Variants in CCDC148 observed in about 807,000 individuals in gnomAD.
CCDC148 encodes the protein coiled-coil domain containing 148, also known as coiled-coil domain-containing protein 148.
A neutral mutation model predicts 85.7 loss-of-function variants in CCDC148; 89 were observed. That is an observed-to-expected ratio of 1.04 (90% CI 0.87 to 1.24). The LOEUF (loss-of-function observed/expected upper bound fraction) is 1.24, where lower values mean the gene tolerates loss of function less well. Ranked by LOEUF, CCDC148 falls within the 50% of genes most tolerant of loss-of-function variation. The pLI, the probability that CCDC148 is intolerant of heterozygous loss-of-function variation, is 0.00. For synonymous variants in CCDC148, 230 were observed against 213.9 expected (o/e 1.08, Z -0.66); for missense variants, 692 against 671.7 (o/e 1.03, Z -0.33).
At position 158,417,321 on chromosome 2, in the gene CCDC148, T is replaced by C. The variant is rs542099818; in HGVS notation, c.25+39094A>G. Among the ~76,000 whole-genome samples, 7 of 152,306 alleles carry C rather than the reference T, an allele frequency of 4.6e-5. No individual in the cohort carries two copies. In the South Asian group the frequency reaches 1.2e-3, roughly 27 times the overall value. The stretch of plus-strand genomic sequence containing the variant: ...GCAAATAAGCATACTGTGGTGGCCC[T>C]GGAAGTGTACCACCCAGATCTCCTT... On this transcript the variant is annotated intron_variant, in intron 1 of 13. Transcript: ENST00000283233.
intron 1 of CCDC148, among the ~76,000 whole-genome samples, chr2:158,455,640 C>G (rs1172775325): frequency 1.3e-5 from 2 of 152,236 alleles, no homozygotes; most frequent in Non-Finnish European, 1.5e-5. Context: ...GTAACATAGT[C>G]TCCTTACTAA....
intron 1 of CCDC148, among the ~76,000 whole-genome samples, chr2:158,432,099 C>A (rs6437179): frequency 0.87 from 131,737 of 152,052 alleles, 58,418 homozygotes; most frequent in Non-Finnish European, 0.96. Context: ...ATATACTGTA[C>A]TGAGCTAACC....
chr2:158,204,713 T>C (rs1318838196), intron 11 of CCDC148, among the ~76,000 whole-genome samples: 1 of 145,512 alleles, frequency 6.9e-6, no homozygotes, highest in Non-Finnish European at 1.5e-5. Flanking sequence ...CCACGCCCTG[T>C]CAAAATACTT....
At chr2:158,254,314 T>C (rs1417718980) in intron 9 of CCDC148, among the ~76,000 whole-genome samples, 1 of 151,698 alleles carries the variant, frequency 6.6e-6, no homozygotes, top group Non-Finnish European at 1.5e-5. Context: ...AGTATGGTTA[T>C]GTTCTATAAC....
intron 1 of CCDC148, among the ~76,000 whole-genome samples, chr2:158,381,408 C>G (rs1248554562): frequency 6.6e-6 from 1 of 152,116 alleles, no homozygotes; most frequent in African/African-American, 2.4e-5. Flanking sequence ...TTTAAAACCA[C>G]AGTGCAATAC....
intron 7 of CCDC148, among the ~76,000 whole-genome samples, chr2:158,316,600 G>T (rs1165209310): frequency 3.9e-5 from 6 of 152,086 alleles, no homozygotes; most frequent in Non-Finnish European, 7.3e-5. Flanking sequence ...TAAAGGAAAT[G>T]ATATATAAAT....
intron 7 of CCDC148, among the ~76,000 whole-genome samples, chr2:158,333,360 G>T (rs550016397): frequency 6.6e-6 from 1 of 152,168 alleles, no homozygotes; most frequent in Non-Finnish European, 1.5e-5. Flanking sequence ...GTTCTAATTT[G>T]ATTGCACTGT....
At chr2:158,337,367 C>T (rs1288531897) in intron 7 of CCDC148, among the ~76,000 whole-genome samples, 1 of 152,088 alleles carries the variant, frequency 6.6e-6, no homozygotes, top group Non-Finnish European at 1.5e-5. Context: ...TGCCCTCTCC[C>T]CTACCAAACA....
rs375365637 is a variant in CCDC148, at chr2:158,176,514, T to C, written c.1629+7A>G. 3.7e-5 allele frequency: 60 copies of C among 1,609,272 alleles called. No homozygotes were observed. The African/African-American group carries it at 7.2e-4, about 19-fold the overall frequency. On this transcript the variant is annotated splice_region_variant and intron_variant, in intron 13 of 13. Coordinates refer to ENST00000283233, the MANE Select transcript of CCDC148 (RefSeq NM_138803.4). ...TTTTCATCAGTCATGCTAATTTCCA[T>C]AATTACCTGCTGTTCATTGTATGTA...
At chr2:158,299,602 C>T (rs1691352303) in intron 9 of CCDC148, among the ~76,000 whole-genome samples, 1 of 152,216 alleles carries the variant, frequency 6.6e-6, no homozygotes. Flanking sequence ...CACTGGTTAT[C>T]CAATGCCTGC....
chr2:158,264,439 C>T (rs1215169262), intron 9 of CCDC148, among the ~76,000 whole-genome samples: 2 of 152,052 alleles, frequency 1.3e-5, no homozygotes, highest in Non-Finnish European at 2.9e-5. Flanking sequence ...TTATCATCAG[C>T]AGAACCCCCT....
intron 1 of CCDC148, among the ~76,000 whole-genome samples, chr2:158,419,470 G>T (rs1284808728): frequency 2.6e-5 from 4 of 152,130 alleles, no homozygotes; most frequent in African/African-American, 7.2e-5. Context: ...GGTATATATT[G>T]GTTTTGGTAC....
chr2:158,267,716 G>C (rs1173836198), intron 9 of CCDC148, among the ~76,000 whole-genome samples: 1 of 152,182 alleles, frequency 6.6e-6, no homozygotes, highest in Non-Finnish European at 1.5e-5. Context: ...AACTGAAAAA[G>C]TGTCCATTAT....
At chr2:158,410,139 T>C (rs371678967) in intron 1 of CCDC148, among the ~76,000 whole-genome samples, 4 of 152,186 alleles carry the variant, frequency 2.6e-5, no homozygotes, top group South Asian at 4.1e-4. Flanking sequence ...GTTTTTGATT[T>C]AAAGTCTATT....
intron 1 of CCDC148, among the ~76,000 whole-genome samples, chr2:158,424,044 G>C (rs150415714): frequency 0.054 from 8,234 of 152,172 alleles, 413 homozygotes; most frequent in African/African-American, 0.13. Flanking sequence ...TTAGAATGGT[G>C]ATCATTAAAA....
At chr2:158,282,829 T>G (rs1690396928) in intron 9 of CCDC148, among the ~76,000 whole-genome samples, 1 of 152,192 alleles carries the variant, frequency 6.6e-6, no homozygotes, top group Non-Finnish European at 1.5e-5. Context: ...AAGTCAATCC[T>G]AAGCCAAAAG....
chr2:158,337,357 T>C (rs911520584), intron 7 of CCDC148, among the ~76,000 whole-genome samples: 2 of 152,138 alleles, frequency 1.3e-5, no homozygotes, highest in South Asian at 2.1e-4. Context: ...CTGATTATAA[T>C]GCCCTCTCCC....
intron 11 of CCDC148, among the ~76,000 whole-genome samples, chr2:158,196,520 G>C (rs1318031917): frequency 6.6e-6 from 1 of 152,090 alleles, no homozygotes; most frequent in East Asian, 1.9e-4. Context: ...GATGGAAAGT[G>C]CAAAAGTACA....
chr2:158,309,496 C>T lies in CCDC148; in HGVS notation c.1047G>A (p.Met349Ile). 6.2e-7 allele frequency: 1 copy of T among 1,614,150 alleles called. No individual in the cohort carries two copies. The highest frequency in any genetic ancestry group is 8.5e-7 in the Non-Finnish European group (1 of 1,180,008). Residue 349 changes from methionine (M) to isoleucine (I), a missense_variant, in exon 9 of 14, where the codon ATG (methionine) becomes ATA (isoleucine). Physicochemically the swap from Met to Ile is conservative, Grantham distance 10. Coordinates refer to ENST00000283233, the MANE Select transcript of CCDC148 (RefSeq NM_138803.4). ...TLTEACATHE[M>I]ESMLAKDKKK... ...TCTTGTCCTTAGCCAACATGCTCTC[C>T]ATTTCATGTGTTGCACAAGCCTCAG... is the stretch of plus-strand genomic sequence containing the variant.
Sources: gnomAD v4.1 joint callset for allele counts (sites outside exome capture counted in the v4.1 genomes callset) on GRCh38, gnomAD v4.1.1 for gene constraint, MANE v1.5 for transcripts, NCBI Gene and HGNC (gene_info 2026-07-23, HGNC 2026-07-21) for gene names.